The following RNF220 variants were observed in gnomAD, a reference collection of about 807,000 sequenced individuals.
The protein encoded by RNF220 is E3 ubiquitin-protein ligase RNF220.
Under a neutral mutation model 67.1 loss-of-function variants are expected in RNF220, and 7 were observed. The ratio of observed to expected loss-of-function variants is 0.10; its 90% CI spans 0.06 to 0.20. The LOEUF is 0.20. Ranked by LOEUF, RNF220 falls within the 10% of genes least tolerant of loss-of-function variation. The pLI, the probability that RNF220 is intolerant of heterozygous loss-of-function variation, is 1.00. For missense variants in RNF220, 565 were observed against 740.3 expected (o/e 0.76, Z 2.75); for synonymous variants, 270 against 283.2 (o/e 0.95, Z 0.47).
At chr1:44,588,691 T>G (rs923174321) in intron 2 of RNF220, among the ~76,000 whole-genome samples, 3 of 152,224 alleles carry the variant, frequency 2.0e-5, no homozygotes, top group Admixed American at 2.0e-4. Context: ...GTGAGCCAGC[T>G]GGGCCGACTG....
chr1:44,522,805 G>A (rs4660809), intron 2 of RNF220, among the ~76,000 whole-genome samples: 48,638 of 152,136 alleles, frequency 0.32, 8,509 homozygotes, highest in East Asian at 0.53. Flanking sequence ...AACCTCTGAG[G>A]CCCTGCCCTC....
At chr1:44,639,217 G>A (rs767113610) in intron 8 of RNF220, among the ~76,000 whole-genome samples, 2 of 152,210 alleles carry the variant, frequency 1.3e-5, no homozygotes, top group Non-Finnish European at 2.9e-5. Context: ...TGTAGTCTAA[G>A]GAGGTGTGTG....
rs376364301 is a variant in RNF220, at chr1:44,645,511, G to A, written c.1445+23G>A. ...GAAGTAAGTGTTTGGCCAGGAGAGA[G>A]CCCTGGGACCACAGTTCAGTGGGAG... is the stretch of plus-strand genomic sequence containing the variant. On this transcript the variant is annotated intron_variant, in intron 12 of 14. Transcript: ENST00000361799. This position sits in a 1 kb window ranked among gnomAD's most constrained non-coding sequence, Gnocchi z 5.0. 1.1e-5 allele frequency: 18 copies of A among 1,610,634 alleles called. No individual in the cohort carries two copies. The highest frequency in any genetic ancestry group is 1.6e-4 in the Middle Eastern group (1 of 6,080).
chr1:44,553,807 T>C (rs571734265), intron 2 of RNF220, among the ~76,000 whole-genome samples: 1 of 152,190 alleles, frequency 6.6e-6, no homozygotes, highest in Admixed American at 6.5e-5. Flanking sequence ...GGACGATTTA[T>C]AAAGAGAAGG....
intron 2 of RNF220, among the ~76,000 whole-genome samples, chr1:44,578,242 G>A (rs1044225349): frequency 1.4e-5 from 2 of 146,366 alleles, no homozygotes; most frequent in African/African-American, 5.0e-5. Context: ...TCCACCTGCC[G>A]GGTTCAAGCA....
chr1:44,595,276 C>T (rs1045327551), intron 2 of RNF220, among the ~76,000 whole-genome samples: 10 of 152,314 alleles, frequency 6.6e-5, no homozygotes, highest in Middle Eastern at 3.4e-3. Flanking sequence ...TCCGGGGCCC[C>T]TGCCTAACAC....
intron 2 of RNF220, among the ~76,000 whole-genome samples, chr1:44,523,547 G>A (rs1375594800): frequency 4.6e-5 from 7 of 152,186 alleles, no homozygotes; most frequent in East Asian, 1.9e-4. Flanking sequence ...CATTGTTTGC[G>A]TTCTTCTCTT....
In RNF220 at chr1:44,650,231, G is replaced by A. The variant is rs937257830; in HGVS notation, c.1629+274G>A. The A allele has an allele frequency of 1.8e-6, 1 of 558,970 alleles. No homozygotes were observed. Among genetic ancestry groups the A allele is most frequent in the African/African-American group, 1.9e-5 (1 of 53,036 alleles). 34.6% of individuals were successfully genotyped at this position (558,970 alleles called of 1,614,324 possible). On this transcript the variant is annotated intron_variant, in intron 14 of 14. Coordinates refer to ENST00000361799, the MANE Select transcript of RNF220 (RefSeq NM_018150.4). The surrounding 1 kb of genome is among the most constrained non-coding windows in gnomAD (Gnocchi z 4.3). Reference sequence around the variant, plus strand: ...AAGGCCCACTGCATCACACAGACTGGTGAGGCCTGGGGTCAGGAGGAGGCT... The same window carrying A: ...AAGGCCCACTGCATCACACAGACTGATGAGGCCTGGGGTCAGGAGGAGGCT...
chr1:44,516,567 G>A (rs1202436071), intron 2 of RNF220, among the ~76,000 whole-genome samples: 1 of 152,034 alleles, frequency 6.6e-6, no homozygotes, highest in East Asian at 1.9e-4. Context: ...TGATAGCTGT[G>A]TGCAGTGTAT....
chr1:44,442,557 G>A (rs1238528486), intron 2 of RNF220, among the ~76,000 whole-genome samples: 1 of 136,020 alleles, frequency 7.4e-6, no homozygotes, highest in Non-Finnish European at 1.5e-5. Flanking sequence ...TCCTGTTGCC[G>A]AGGCTGGAGT....
intron 2 of RNF220, among the ~76,000 whole-genome samples, chr1:44,568,346 C>T (rs1047250306): frequency 3.3e-5 from 5 of 152,232 alleles, no homozygotes; most frequent in Non-Finnish European, 7.3e-5. Flanking sequence ...ATATGACTCA[C>T]ATGTATTATC....
intron 2 of RNF220, among the ~76,000 whole-genome samples, chr1:44,499,322 TC>T (rs1657622420): frequency 6.6e-6 from 1 of 152,150 alleles, no homozygotes; most frequent in African/African-American, 2.4e-5. Flanking sequence ...TCACCCCCTC[TC>T]CTTTCATTCT....
chr1:44,515,454 TGAA>T (rs1279784385), intron 2 of RNF220, among the ~76,000 whole-genome samples: 1 of 152,218 alleles, frequency 6.6e-6, no homozygotes, highest in Non-Finnish European at 1.5e-5. Flanking sequence ...GCTCTAGGAA[TGAA>T]GAAGTCATTG....
chr1:44,647,765 T>A (rs1644691806), intron 12 of RNF220, among the ~76,000 whole-genome samples: 1 of 152,128 alleles, frequency 6.6e-6, no homozygotes, highest in Non-Finnish European at 1.5e-5. Flanking sequence ...CTGTAAGCTC[T>A]CAAGCTTCCT....
intron 2 of RNF220, among the ~76,000 whole-genome samples, chr1:44,438,149 T>A (rs1277432833): frequency 6.6e-6 from 1 of 152,106 alleles, no homozygotes; most frequent in East Asian, 1.9e-4. Context: ...GAGACAGCAT[T>A]TTGCTCAGTC....
At chr1:44,612,617 G>C (rs74070561) in intron 2 of RNF220, among the ~76,000 whole-genome samples, 1 of 152,106 alleles carries the variant, frequency 6.6e-6, no homozygotes, top group Non-Finnish European at 1.5e-5. Context: ...CAAGTACAAG[G>C]TTGCTAGATT....
Position 44,600,016 on chromosome 1 carries a change from A to G in RNF220, c.626-14149A>G, listed in dbSNP as rs141001315. ...GAAGATGCCTAAACTAGGGCAATGA[A>G]GAAAAGAAGATGATTCTGACCAGTA... is the stretch of plus-strand genomic sequence containing the variant. On this transcript the variant is annotated intron_variant, in intron 2 of 14. Coordinates refer to ENST00000361799, the MANE Select transcript of RNF220 (RefSeq NM_018150.4). The surrounding 1 kb of genome is among the most constrained non-coding windows in gnomAD (Gnocchi z 4.0). 6.5e-4 allele frequency among the ~76,000 whole-genome samples: 99 copies of G among 152,324 alleles called. No homozygotes were observed. Among genetic ancestry groups the G allele is most frequent in the African/African-American group, 2.2e-3 (93 of 41,572 alleles).
chr1:44,632,530 A>C, intron 6 of RNF220, 145 bp downstream of exon 6: 1 of 771,966 alleles, frequency 1.3e-6, no homozygotes, highest in South Asian at 1.6e-5. Flanking sequence ...AGTATGTGCA[A>C]ACCAAAGCTG....
chr1:44,615,198 G>C (rs957214785), intron 3 of RNF220, among the ~76,000 whole-genome samples: 1 of 152,156 alleles, frequency 6.6e-6, no homozygotes, highest in African/African-American at 2.4e-5. Context: ...TTCTTGCATG[G>C]CAGCTTTGGG....
Sources: allele counts gnomAD v4.1 joint callset (sites outside exome capture counted in the v4.1 genomes callset), GRCh38; gene constraint gnomAD v4.1.1; non-coding constraint Gnocchi (gnomAD v3.1); transcripts MANE v1.5; gene names NCBI Gene and HGNC (gene_info 2026-07-23, HGNC 2026-07-21).